The following CPLX2 variants were observed in gnomAD, a reference collection of about 807,000 sequenced individuals.
CPLX2 encodes the protein complexin 2.
In CPLX2, 5 loss-of-function variants were observed where a neutral mutation model predicts 16.3. That is an observed-to-expected ratio of 0.31 (90% CI 0.16 to 0.64). The LOEUF (loss-of-function observed/expected upper bound fraction) is 0.64, where lower values mean the gene tolerates loss of function less well. CPLX2 is among the 30% of genes least tolerant of loss of function. CPLX2 has a pLI of 0.79. For missense variants in CPLX2, 144 were observed against 181.4 expected, an observed-to-expected ratio of 0.79 and a Z score of 1.18; for synonymous variants, 89 against 73.2, an observed-to-expected ratio of 1.22 and a Z score of -1.10.
At chr5:175,860,521 AAAGAAAGAAAGAAAGAAAG>A (rs1432572183) in intron 2 of CPLX2, among the ~76,000 whole-genome samples, 23 of 30,090 alleles carry the variant, frequency 7.6e-4, no homozygotes, top group Non-Finnish European at 1.7e-3. Flanking sequence ...AAAGAAAAAG[AAAGAAAGAAAGAAAGAAAG>A]ATAGATAGAA....
At chr5:175,833,156 CA>C (rs945794215) in intron 2 of CPLX2, among the ~76,000 whole-genome samples, 17 of 137,616 alleles carry the variant, frequency 1.2e-4, no homozygotes, top group South Asian at 2.5e-4. Context: ...AACTCCATCT[CA>C]AAAAAAAAAG....
intron 2 of CPLX2, among the ~76,000 whole-genome samples, chr5:175,823,713 G>C (rs1381927924): frequency 1.3e-5 from 2 of 152,188 alleles, no homozygotes; most frequent in African/African-American, 4.8e-5. Context: ...AGTGACACTT[G>C]AACCCAGGGC....
At chr5:175,811,722 A>C (rs75708308) in intron 2 of CPLX2, among the ~76,000 whole-genome samples, 1,572 of 152,226 alleles carry the variant, frequency 0.01, 21 homozygotes, top group African/African-American at 0.036. Context: ...TTCTGGGGAC[A>C]TTACAGAGTG....
intron 1 of CPLX2, among the ~76,000 whole-genome samples, chr5:175,806,962 A>C (rs977268500): frequency 1.3e-5 from 2 of 152,184 alleles, no homozygotes; most frequent in African/African-American, 4.8e-5. Flanking sequence ...TGGCCTTGCC[A>C]GGCTAGCGGG....
chr5:175,869,686 G>A (rs917114528), upstream of CPLX2, among the ~76,000 whole-genome samples: 2 of 152,090 alleles, frequency 1.3e-5, no homozygotes, highest in Non-Finnish European at 2.9e-5. Context: ...TTTCTTCCAG[G>A]TGAAAGATCC....
At chr5:175,805,228 C>A (rs556544784) in intron 1 of CPLX2, among the ~76,000 whole-genome samples, 1 of 152,238 alleles carries the variant, frequency 6.6e-6, no homozygotes, top group African/African-American at 2.4e-5. Context: ...TTCAGCCAAC[C>A]CTAATAACCC....
upstream of CPLX2, among the ~76,000 whole-genome samples, chr5:175,868,347 G>A (rs777153079): frequency 6.6e-6 from 1 of 152,202 alleles, no homozygotes; most frequent in Non-Finnish European, 1.5e-5. Flanking sequence ...ATTGTTCCTC[G>A]ATCCTCACAC....
At position 175,878,840 on chromosome 5, in the gene CPLX2, C is replaced by T. The variant is rs969198823; in HGVS notation, c.32-68C>T. 11 of 1,607,394 alleles carry T rather than the reference C, an allele frequency of 6.8e-6. No homozygotes were observed. The Admixed American group carries it at 1.0e-4, about 15-fold the overall frequency. On this transcript the variant is annotated intron_variant, in intron 2 of 3. Coordinates refer to ENST00000393745, the MANE Select transcript of CPLX2 (RefSeq NM_001008220.2). Reference sequence around the variant, plus strand: ...TTGTGGGAGGTGGCCTCGGCCCACCCGGCCCCTCTCTCCCCAGCCCTGACC... The same window carrying T: ...TTGTGGGAGGTGGCCTCGGCCCACCTGGCCCCTCTCTCCCCAGCCCTGACC...
intron 2 of CPLX2, among the ~76,000 whole-genome samples, chr5:175,839,276 TTTTG>T (rs113982961): frequency 7.1e-4 from 107 of 151,748 alleles, no homozygotes; most frequent in African/African-American, 8.5e-4. Context: ...TGTTTTTTTG[TTTTG>T]TTTGTTTGTT....
At chr5:175,868,750 C>G (rs1437209917), upstream of CPLX2, among the ~76,000 whole-genome samples, 2 of 150,960 alleles carry the variant, frequency 1.3e-5, no homozygotes, top group African/African-American at 2.4e-5. Context: ...ACTATAAATG[C>G]CAATGTAAAA....
intron 1 of CPLX2, among the ~76,000 whole-genome samples, chr5:175,798,163 A>G (rs943896428): frequency 3.9e-5 from 6 of 152,226 alleles, no homozygotes; most frequent in African/African-American, 1.4e-4. Context: ...ACTTACTAGC[A>G]TATGACCTTG....
chr5:175,813,085 C>T (rs1359504997), intron 2 of CPLX2, among the ~76,000 whole-genome samples: 2 of 152,154 alleles, frequency 1.3e-5, no homozygotes, highest in African/African-American at 2.4e-5. Flanking sequence ...GGCTCTGGTA[C>T]CTCCCAGAGG....
intron 2 of CPLX2, among the ~76,000 whole-genome samples, chr5:175,860,590 GGAAGGAAGGAAGGAAGGAA>G (rs1759354050): frequency 2.3e-5 from 2 of 87,522 alleles, no homozygotes; most frequent in Non-Finnish European, 5.2e-5. Context: ...AGGGAGGGAA[GGAAGGAAGGAAGGAAGGAA>G]GGAAGGAAGG....
chr5:175,822,920 T>C (rs1239234783), intron 2 of CPLX2, among the ~76,000 whole-genome samples: 1 of 152,184 alleles, frequency 6.6e-6, no homozygotes, highest in East Asian at 1.9e-4. Context: ...AGAGGGGCCA[T>C]TTCACAGTTA....
rs1755607204 is a variant in CPLX2 at position 175,881,599 on chromosome 5, G to T, written c.*1554G>T. The T allele has an allele frequency of 6.5e-6, 1 of 152,908 alleles. No homozygotes were observed. The highest frequency in any genetic ancestry group is 1.5e-5 in the Non-Finnish European group (1 of 68,104). 9.5% of individuals were successfully genotyped at this position (152,908 alleles called of 1,614,324 possible). ...TGGGGGTCTGAAAAGACAGTTGTGT[G>T]CATGGATGTGTGCGTGGGGAGAAAG... On this transcript the variant is annotated 3_prime_UTR_variant, in exon 4 of 4. Coordinates refer to ENST00000393745, the MANE Select transcript of CPLX2 (RefSeq NM_001008220.2).
chr5:175,816,299 T>C (rs987836545), intron 2 of CPLX2, among the ~76,000 whole-genome samples: 10 of 152,058 alleles, frequency 6.6e-5, no homozygotes, highest in Admixed American at 6.6e-4. Context: ...TCCCAAGTAG[T>C]TGGGATTACA....
chr5:175,871,423 G>GGGAGAGAC (rs1759595891), upstream of CPLX2: 1 of 117,232 alleles, frequency 8.5e-6, no homozygotes, highest in East Asian at 2.5e-4. Context: ...GAGAGAGAGA[G>GGGAGAGAC]AGAGAGAGAC....
Position 175,849,060 on chromosome 5 carries a change from G to C in CPLX2, c.-88-29592G>C, listed in dbSNP as rs368195241. Among the ~76,000 whole-genome samples, 6 of 152,308 alleles carry C rather than the reference G, an allele frequency of 3.9e-5. No individual in the cohort carries two copies. In the East Asian group the frequency reaches 9.6e-4, roughly 24 times the overall value. On this transcript the variant is annotated intron_variant, in intron 2 of 4. Coordinates refer to the CPLX2 transcript ENST00000359546. This position sits in a 1 kb window ranked among gnomAD's most constrained non-coding sequence, Gnocchi z 4.4. ...AAGCCAATGGAGACTTTCAAACAGA[G>C]GTGTGTCGTGATCTAACTTACACTT...
intron 2 of CPLX2, among the ~76,000 whole-genome samples, chr5:175,847,201 G>T (rs898781903): frequency 6.6e-5 from 10 of 152,236 alleles, no homozygotes; most frequent in African/African-American, 2.4e-4. Context: ...GAGGCGAGGA[G>T]TATTTTAAGA....
Sources: allele counts gnomAD v4.1 joint callset (sites outside exome capture counted in the v4.1 genomes callset), GRCh38; gene constraint gnomAD v4.1.1; non-coding constraint Gnocchi (gnomAD v3.1); transcripts MANE v1.5; gene names NCBI Gene and HGNC (gene_info 2026-07-23, HGNC 2026-07-21).